Variants in ZNF766 observed in about 807,000 individuals in gnomAD.
The protein encoded by ZNF766 is zinc finger protein 766.
Under a neutral mutation model 13.2 loss-of-function variants are expected in ZNF766, and 13 were observed. That is an observed-to-expected ratio of 0.98 (90% CI 0.64 to 1.56). The LOEUF is 1.56. Ranked by LOEUF, ZNF766 falls within the 40% of genes most tolerant of loss-of-function variation. The pLI, the probability that ZNF766 is intolerant of heterozygous loss-of-function variation, is 0.00. For synonymous variants in ZNF766, 178 were observed against 187.6 expected (o/e 0.95, Z 0.42); for missense variants, 521 against 552.2 (o/e 0.94, Z 0.57).
chr19:52,283,333 C>T lies in ZNF766; in HGVS notation c.194C>T (p.Thr65Ile). The T allele has an allele frequency of 1.2e-6, 2 of 1,613,896 alleles. No individual in the cohort carries two copies. Among genetic ancestry groups the T allele is most frequent in the Non-Finnish European group, 1.7e-6 (2 of 1,179,934 alleles). ...ATTATCTCCATGATGAAGCAAAGGA[C>T]AGAGCCCTGGACTGTGGAGAATGAA... ...LSIISMMKQR[T>I]EPWTVENEMK... is the part of the protein sequence containing the mutation. Residue 65 changes from threonine to isoleucine, a missense_variant, in exon 3 of 4, where the codon ACA becomes ATA. By Grantham distance (89) the Thr-to-Ile change is moderately conservative. Coordinates refer to ENST00000439461, the MANE Select transcript of ZNF766 (RefSeq NM_001010851.3).
At chr19:52,289,705 C>T (rs577728085) in intron 3 of ZNF766, among the ~76,000 whole-genome samples, 1 of 152,154 alleles carries the variant, frequency 6.6e-6, no homozygotes, top group South Asian at 2.1e-4. Flanking sequence ...CCATCAGGGT[C>T]TATACATGCC....
At chr19:52,289,290 A>G (rs921493512) in intron 3 of ZNF766, among the ~76,000 whole-genome samples, 3 of 151,484 alleles carry the variant, frequency 2.0e-5, no homozygotes, top group African/African-American at 7.3e-5. Flanking sequence ...AGCTGGGATT[A>G]CAGGCACACA....
At chr19:52,270,464 G>A (rs1980928429) in intron 1 of ZNF766, among the ~76,000 whole-genome samples, 1 of 152,136 alleles carries the variant, frequency 6.6e-6, no homozygotes, top group African/African-American at 2.4e-5. Context: ...CAGCAAGGTA[G>A]GGAGAGGGGC....
chr19:52,271,477 C>G (rs1258016675), intron 1 of ZNF766, among the ~76,000 whole-genome samples: 1 of 152,224 alleles, frequency 6.6e-6, no homozygotes, highest in Non-Finnish European at 1.5e-5. Flanking sequence ...GTGATCTCTA[C>G]TCAGTAGTAA....
chr19:52,281,896 T>C (rs1312094948), intron 1 of ZNF766: 1 of 594,232 alleles, frequency 1.7e-6, no homozygotes, highest in Non-Finnish European at 3.1e-6. Flanking sequence ...ATGAAAAATC[T>C]ACACTAGTTT....
intron 3 of ZNF766, among the ~76,000 whole-genome samples, chr19:52,289,291 C>T (rs1481167312): frequency 2.0e-5 from 3 of 151,782 alleles, no homozygotes; most frequent in Admixed American, 6.6e-5. Flanking sequence ...GCTGGGATTA[C>T]AGGCACACAC....
In ZNF766 at chr19:52,282,375, C is replaced by T. The variant is rs565481494; in HGVS notation, c.145+138C>T. 7.5e-6 allele frequency: 8 copies of T among 1,063,062 alleles called. No homozygotes were observed. The South Asian group carries it at 1.3e-4, about 17-fold the overall frequency. The allele number at this position is 1,063,062 out of a possible 1,614,324, so 65.9% of individuals were successfully genotyped here. ...ACTTGGCTGGGCACGGTGGCTCATG[C>T]CTGTAATCCCAGCACTTTGGGAGGC... is the stretch of plus-strand genomic sequence containing the variant. On this transcript the variant is annotated intron_variant, in intron 2 of 3. Coordinates refer to ENST00000439461, the MANE Select transcript of ZNF766 (RefSeq NM_001010851.3).
intron 3 of ZNF766, chr19:52,288,104 TC>T (rs1480796549): frequency 2.8e-6 from 1 of 356,066 alleles, no homozygotes; most frequent in Non-Finnish European, 5.4e-6. Flanking sequence ...CACTGCAACT[TC>T]CGCCTCCCAG....
intron 3 of ZNF766, 44 bp from the exon 4 acceptor site, chr19:52,290,022 C>G (rs1485300490): frequency 6.5e-7 from 1 of 1,538,060 alleles, no homozygotes; most frequent in African/African-American, 1.4e-5. Context: ...AAAAAACATG[C>G]CAGAACCATG....
At chr19:52,285,383 C>T (rs1981764922) in intron 3 of ZNF766, among the ~76,000 whole-genome samples, 1 of 152,182 alleles carries the variant, frequency 6.6e-6, no homozygotes, top group South Asian at 2.1e-4. Flanking sequence ...CCCCTTCCCA[C>T]CAGTTGCAAG....
Position 52,290,783 on chromosome 19 carries a change from A to G in ZNF766, c.992A>G (p.Lys331Arg). ...HTGEKLYKCN[K>R]CGKEFSGHSS... ...GGAGAGAAACTTTACAAATGTAATA[A>G]ATGTGGCAAAGAATTTAGTGGGCAT... Residue 331 changes from lysine to arginine, a missense_variant, in exon 4 of 4, where the codon AAA becomes AGA. By Grantham distance (26) the Lys-to-Arg change is conservative. Coordinates refer to ENST00000439461, the MANE Select transcript of ZNF766 (RefSeq NM_001010851.3). The G allele has an allele frequency of 6.2e-7, 1 of 1,613,924 alleles. No individual in the cohort carries two copies. The highest frequency in any genetic ancestry group is 1.1e-5 in the South Asian group (1 of 91,060).
rs1262069212 is a variant in ZNF766, at chr19:52,292,960, C to T, written c.*1762C>T. The T allele has an allele frequency of 2.0e-5, 3 of 152,114 alleles. No individual in the cohort carries two copies. Among genetic ancestry groups the T allele is most frequent in the Admixed American group, 6.6e-5 (1 of 15,248 alleles). 9.4% of individuals were successfully genotyped at this position (152,114 alleles called of 1,614,324 possible). On this transcript the variant is annotated 3_prime_UTR_variant, in exon 4 of 4. Transcript: ENST00000439461. The stretch of plus-strand genomic sequence containing the variant: ...AGATATTTCTCCTAATGTTATCCCT[C>T]TGCCAGCCCCCCACCCCCCGACAGG...
At chr19:52,275,034 CAAAAG>C (rs1368153237) in intron 1 of ZNF766, among the ~76,000 whole-genome samples, 4 of 152,090 alleles carry the variant, frequency 2.6e-5, no homozygotes, top group East Asian at 3.9e-4. Context: ...TTTAGGAAGA[CAAAAG>C]AAACAAAGCA....
Position 52,275,891 on chromosome 19 carries a change from G to A in ZNF766, c.19-6220G>A, listed in dbSNP as rs570411167. On this transcript the variant is annotated intron_variant, in intron 1 of 3. Coordinates refer to ENST00000439461, the MANE Select transcript of ZNF766 (RefSeq NM_001010851.3). Reference sequence around the variant, plus strand: ...AGACGGGGTTTCCCCATGTTAGCCAGGCTGGTCTCGAACTCCTGACCTCAG... The same window carrying A: ...AGACGGGGTTTCCCCATGTTAGCCAAGCTGGTCTCGAACTCCTGACCTCAG... Among the ~76,000 whole-genome samples, 34 of 152,268 alleles carry A rather than the reference G, an allele frequency of 2.2e-4. 1 individual carries two copies. In the South Asian group the frequency reaches 6.2e-3, roughly 28 times the overall value.
intron 3 of ZNF766, among the ~76,000 whole-genome samples, chr19:52,289,785 G>A (rs1982019305): frequency 6.6e-6 from 1 of 152,062 alleles, no homozygotes; most frequent in Non-Finnish European, 1.5e-5. Context: ...CGGATCACGA[G>A]GTCAGGAGAT....
intron 3 of ZNF766, among the ~76,000 whole-genome samples, chr19:52,284,196 G>A (rs779055372): frequency 1.7e-4 from 26 of 152,184 alleles, no homozygotes; most frequent in African/African-American, 5.3e-4. Flanking sequence ...CACAGAGAGC[G>A]CTGCTTCAAA....
chr19:52,283,205 A>G, intron 2 of ZNF766, 80 bp from the exon 3 acceptor site: 1 of 1,511,212 alleles, frequency 6.6e-7, no homozygotes, highest in South Asian at 1.3e-5. Flanking sequence ...TTAATTTTTA[A>G]TATCATCTCT....
chr19:52,282,256 C>T lies in ZNF766; in HGVS notation c.145+19C>T. ...TCCCTGGGTAAGGATAATGCCCCTC[C>T]AGAAGTTGGGGTCTGCCCTTAGTAT... On this transcript the variant is annotated intron_variant, in intron 2 of 3. Transcript: ENST00000439461. 6.3e-7 allele frequency: 1 copy of T among 1,583,072 alleles called. No homozygotes were observed. The highest frequency in any genetic ancestry group is 2.3e-5 in the East Asian group (1 of 43,782).
intron 3 of ZNF766, among the ~76,000 whole-genome samples, chr19:52,287,302 C>T (rs1333154838): frequency 1.3e-5 from 2 of 152,102 alleles, no homozygotes; most frequent in African/African-American, 2.4e-5. Context: ...GCCACTACGC[C>T]TAGCTAATTT....
Sources: allele counts gnomAD v4.1 joint callset (sites outside exome capture counted in the v4.1 genomes callset), GRCh38; gene constraint gnomAD v4.1.1; transcripts MANE v1.5; gene names NCBI Gene and HGNC (gene_info 2026-07-23, HGNC 2026-07-21).